Variants in RNLS observed in about 807,000 individuals in gnomAD.
RNLS encodes renalase.
A neutral mutation model predicts 39.8 loss-of-function variants in RNLS; 39 were observed. The observed-to-expected ratio is 0.98, with a 90% CI of 0.76 to 1.28. The LOEUF (loss-of-function observed/expected upper bound fraction) is 1.28. RNLS is among the 50% of genes most tolerant of loss of function. RNLS has a pLI of 0.00. For missense variants in RNLS, 410 were observed against 413.3 expected (o/e 0.99, Z 0.07); for synonymous variants, 147 against 150.7 (o/e 0.98, Z 0.18).
chr10:88,367,140 T>C (rs1307441367), intron 4 of RNLS, among the ~76,000 whole-genome samples: 1 of 152,050 alleles, frequency 6.6e-6, no homozygotes, highest in East Asian at 1.9e-4. Flanking sequence ...TGATGAATTT[T>C]CATAAAGTGA....
At chr10:88,259,775 C>T in the RNLS span, among the ~76,000 whole-genome samples, 1 of 152,138 alleles carries the variant, frequency 6.6e-6, no homozygotes, top group African/African-American at 2.4e-5. Flanking sequence ...GACCAAGTCT[C>T]GCTCTGTCAC....
At chr10:88,224,738 C>T in the RNLS span, among the ~76,000 whole-genome samples, 263 of 152,276 alleles carry the variant, frequency 1.7e-3, 3 homozygotes, top group Non-Finnish European at 2.7e-3. Context: ...TCTCTTTATT[C>T]CCTCAGGTTA....
chr10:88,201,308 T>TC, the RNLS span, among the ~76,000 whole-genome samples: 1 of 152,206 alleles, frequency 6.6e-6, no homozygotes, highest in Non-Finnish European at 1.5e-5. Flanking sequence ...TTTTAGTTCT[T>TC]CTCTATTTGA....
downstream of RNLS, among the ~76,000 whole-genome samples, chr10:88,281,598 A>G (rs563412287): frequency 6.6e-6 from 1 of 152,228 alleles, no homozygotes; most frequent in East Asian, 1.9e-4. Context: ...GTGTAAAGAA[A>G]CCATACAAGT....
At chr10:88,401,098 C>A (rs1852887633) in intron 4 of RNLS, among the ~76,000 whole-genome samples, 1 of 151,770 alleles carries the variant, frequency 6.6e-6, no homozygotes, top group African/African-American at 2.4e-5. Context: ...CCCCTTTTAC[C>A]ATAACCTTAT....
intron 5 of RNLS, among the ~76,000 whole-genome samples, chr10:88,321,499 C>T (rs993430581): frequency 6.6e-6 from 1 of 151,824 alleles, no homozygotes; most frequent in Non-Finnish European, 1.5e-5. Flanking sequence ...TACTAAAGAT[C>T]AACGAAATGA....
chr10:88,475,191 T>C (rs1467464973), intron 4 of RNLS, among the ~76,000 whole-genome samples: 1 of 152,186 alleles, frequency 6.6e-6, no homozygotes, highest in East Asian at 1.9e-4. Context: ...TTTACACATT[T>C]GTAGAGTTAG....
At chr10:88,308,813 T>C (rs1383839731) in intron 6 of RNLS, among the ~76,000 whole-genome samples, 6 of 152,238 alleles carry the variant, frequency 3.9e-5, no homozygotes, top group Non-Finnish European at 8.8e-5. Context: ...ATAAGATACA[T>C]GTACACATAT....
At chr10:88,359,931 T>C (rs1039614496) in intron 5 of RNLS, among the ~76,000 whole-genome samples, 2 of 152,234 alleles carry the variant, frequency 1.3e-5, no homozygotes, top group African/African-American at 2.4e-5. Context: ...CTGGGTCCTA[T>C]AAATCCAAAT....
chr10:88,263,166 T>G, the RNLS span, among the ~76,000 whole-genome samples: 1 of 151,930 alleles, frequency 6.6e-6, no homozygotes, highest in Non-Finnish European at 1.5e-5. Flanking sequence ...GAAAGAGAGG[T>G]AAACCCAATA....
intron 4 of RNLS, among the ~76,000 whole-genome samples, chr10:88,445,296 C>T (rs1841968451): frequency 6.6e-6 from 1 of 152,150 alleles, no homozygotes; most frequent in Admixed American, 6.5e-5. Flanking sequence ...CCAGGCCTGC[C>T]CTACAAGAGC....
At chr10:88,508,589 G>A (rs375335017) in intron 4 of RNLS, among the ~76,000 whole-genome samples, 5 of 152,228 alleles carry the variant, frequency 3.3e-5, no homozygotes, top group Non-Finnish European at 2.9e-5. Flanking sequence ...GATGGTGGCA[G>A]TGGCTGTAGC....
At chr10:88,392,978 A>C (rs924192025) in intron 4 of RNLS, among the ~76,000 whole-genome samples, 18 of 152,210 alleles carry the variant, frequency 1.2e-4, no homozygotes, top group Non-Finnish European at 5.9e-5. Context: ...CTCTGACAAA[A>C]CAAAATTCAA....
chr10:88,407,879 T>C (rs1853387248), intron 4 of RNLS, among the ~76,000 whole-genome samples: 1 of 152,128 alleles, frequency 6.6e-6, no homozygotes, highest in South Asian at 2.1e-4. Context: ...TGGGTTAATA[T>C]ATAGCATAAA....
intron 4 of RNLS, among the ~76,000 whole-genome samples, chr10:88,366,814 A>G (rs933527481): frequency 6.6e-5 from 10 of 151,612 alleles, no homozygotes; most frequent in African/African-American, 2.2e-4. Context: ...ATGTTAACCA[A>G]TTTACCTTTT....
intron 4 of RNLS, among the ~76,000 whole-genome samples, chr10:88,554,093 A>C (rs1013596767): frequency 1.3e-5 from 2 of 152,050 alleles, no homozygotes; most frequent in African/African-American, 4.8e-5. Context: ...TACTTCGCCC[A>C]CAATGAGCAA....
chr10:88,268,582 T>G, the RNLS span, among the ~76,000 whole-genome samples: 11 of 152,304 alleles, frequency 7.2e-5, no homozygotes, highest in Admixed American at 3.3e-4. Context: ...AAGAACTTAT[T>G]GATTCCTACA....
At chr10:88,378,308 A>G (rs1048723468) in intron 4 of RNLS, among the ~76,000 whole-genome samples, 6 of 152,194 alleles carry the variant, frequency 3.9e-5, no homozygotes, top group Admixed American at 2.0e-4. Flanking sequence ...CCTCAGAAGC[A>G]AAAGGTTCTC....
chr10:88,312,748 AT>A (rs1231291596), intron 6 of RNLS, among the ~76,000 whole-genome samples: 5 of 151,866 alleles, frequency 3.3e-5, no homozygotes, highest in Non-Finnish European at 7.4e-5. Flanking sequence ...TTTAATTTGA[AT>A]TTTTTCTATT....
Sources: gnomAD v4.1 joint callset for allele counts (sites outside exome capture counted in the v4.1 genomes callset) on GRCh38, gnomAD v4.1.1 for gene constraint, MANE v1.5 for transcripts, NCBI Gene and HGNC (gene_info 2026-07-23, HGNC 2026-07-21) for gene names.